Variants in FBLN1 observed in about 807,000 individuals in gnomAD.
The protein encoded by FBLN1 is fibulin-1.
In FBLN1, 34 loss-of-function variants were observed where a neutral mutation model predicts 89.7. The observed-to-expected ratio is 0.38, with a 90% CI of 0.29 to 0.50. The LOEUF (loss-of-function observed/expected upper bound fraction) is 0.50, where lower values mean the gene tolerates loss of function less well. Among genes scored for constraint, FBLN1 ranks in the 20% least tolerant of loss-of-function variants. The pLI, the probability that FBLN1 is intolerant of heterozygous loss-of-function variation, is 0.92. For missense variants in FBLN1, 777 were observed against 988.1 expected (o/e 0.79, Z 2.86); for synonymous variants, 393 against 391.3 (o/e 1.00, Z -0.05).
At chr22:45,593,028 A>T (rs3788668) in intron 16 of FBLN1, among the ~76,000 whole-genome samples, 57,217 of 151,968 alleles carry the variant, frequency 0.38, 12,588 homozygotes, top group East Asian at 0.53. Flanking sequence ...GCACTTTAGA[A>T]GGGAAGATGA....
At chr22:45,596,439 G>A (rs1012657729) in intron 16 of FBLN1, among the ~76,000 whole-genome samples, 2 of 152,114 alleles carry the variant, frequency 1.3e-5, no homozygotes, top group African/African-American at 2.4e-5. Context: ...CCAGGCACAC[G>A]TAGCATGCGC....
intron 16 of FBLN1, among the ~76,000 whole-genome samples, chr22:45,599,649 C>A (rs571547206): frequency 1.3e-5 from 2 of 152,092 alleles, no homozygotes; most frequent in East Asian, 3.9e-4. Context: ...CAGTCACGGT[C>A]GCTCATGCCT....
intron 11 of FBLN1, 84 bp downstream of exon 11, chr22:45,543,610 A>G: frequency 6.6e-7 from 1 of 1,517,114 alleles, no homozygotes; most frequent in Non-Finnish European, 9.0e-7. Flanking sequence ...GGTTTGCAGC[A>G]GATCCGCGAT....
intron 9 of FBLN1, 56 bp from the exon 10 acceptor site, chr22:45,542,099 G>T: frequency 6.2e-7 from 1 of 1,612,910 alleles, no homozygotes; most frequent in Non-Finnish European, 8.5e-7. Context: ...GATCATCTTG[G>T]GGGGAAAAAA....
At chr22:45,505,502 G>C (rs1316378926) in intron 1 of FBLN1, among the ~76,000 whole-genome samples, 2 of 152,220 alleles carry the variant, frequency 1.3e-5, no homozygotes, top group Non-Finnish European at 2.9e-5. Flanking sequence ...GCCCTGCTGA[G>C]TGCCCCCCAA....
intron 1 of FBLN1, among the ~76,000 whole-genome samples, chr22:45,516,936 C>T (rs547608602): frequency 1.3e-5 from 2 of 152,224 alleles, no homozygotes; most frequent in African/African-American, 2.4e-5. Context: ...CTAGCTCATT[C>T]GTGCACTGAC....
In FBLN1 at chr22:45,583,198, G is replaced by C. The variant is rs2089057051; in HGVS notation, c.1972+6090G>C. ...CTGCACTGCCCAAGCAGGTCCTTTAGTCAGCTCTCTGTTGTCCCCCAAGCC... is the reference window on the plus strand; with the variant it reads ...CTGCACTGCCCAAGCAGGTCCTTTACTCAGCTCTCTGTTGTCCCCCAAGCC... On this transcript the variant is annotated intron_variant, in intron 16 of 16. Transcript: ENST00000327858. This position sits in a 1 kb window ranked among gnomAD's most constrained non-coding sequence, Gnocchi z 4.5. Among the ~76,000 whole-genome samples, 1 of 152,206 alleles carries C rather than the reference G, an allele frequency of 6.6e-6. No individual in the cohort carries two copies. Among genetic ancestry groups the C allele is most frequent in the African/African-American group, 2.4e-5 (1 of 41,442 alleles).
rs2088807374 is a variant in FBLN1 at position 45,557,798 on chromosome 22, C to T, written c.1697+7183C>T. ...TGTCATCAATTTTCCAATCATGCTT[C>T]TTCCAAGTCCCTGACCATCCAGCCA... On this transcript the variant is annotated intron_variant, in intron 14 of 16. Coordinates refer to ENST00000327858, the MANE Select transcript of FBLN1 (RefSeq NM_006486.3). This position sits in a 1 kb window ranked among gnomAD's most constrained non-coding sequence, Gnocchi z 4.9. 6.6e-6 allele frequency among the ~76,000 whole-genome samples: 1 copy of T among 152,254 alleles called. No homozygotes were observed. The highest frequency in any genetic ancestry group is 2.4e-5 in the African/African-American group (1 of 41,466).
Position 45,579,942 on chromosome 22 carries a change from C to T in FBLN1, c.1972+2834C>T, listed in dbSNP as rs528401368. 4.6e-5 allele frequency among the ~76,000 whole-genome samples: 7 copies of T among 152,130 alleles called. No individual in the cohort carries two copies. The highest frequency in any genetic ancestry group is 9.6e-5 in the African/African-American group (4 of 41,508). ...TAATAGATGGTTCCACCGTTGGACT[C>T]GAGCCCAGCCTGAAGCAGCCCTGAA... On this transcript the variant is annotated intron_variant, in intron 16 of 16. Transcript: ENST00000327858. The surrounding 1 kb of genome is among the most constrained non-coding windows in gnomAD (Gnocchi z 5.5).
At chr22:45,504,759 T>C (rs2087996025) in intron 1 of FBLN1, among the ~76,000 whole-genome samples, 1 of 152,224 alleles carries the variant, frequency 6.6e-6, no homozygotes, top group Non-Finnish European at 1.5e-5. Flanking sequence ...GCGGGCCCAG[T>C]GTGGCTCACT....
rs1423962361 is a variant in FBLN1, at chr22:45,561,324, G to A, written c.1697+10709G>A. On this transcript the variant is annotated intron_variant, in intron 14 of 16. Transcript: ENST00000327858. This position sits in a 1 kb window ranked among gnomAD's most constrained non-coding sequence, Gnocchi z 4.7. ...AGGCTCAGTATCTGCTTCTGAAGCTGGGAGATGGAATCCCTGAGTTCATAA... is the reference window on the plus strand; with the variant it reads ...AGGCTCAGTATCTGCTTCTGAAGCTAGGAGATGGAATCCCTGAGTTCATAA... Among the ~76,000 whole-genome samples the A allele has an allele frequency of 1.3e-5, 2 of 152,170 alleles. No homozygotes were observed. Among genetic ancestry groups the A allele is most frequent in the Admixed American group, 6.5e-5 (1 of 15,276 alleles).
Position 45,580,949 on chromosome 22 carries a change from G to A in FBLN1, c.1972+3841G>A, listed in dbSNP as rs1437040996. Among the ~76,000 whole-genome samples, 1 of 152,190 alleles carries A rather than the reference G, an allele frequency of 6.6e-6. No individual in the cohort carries two copies. Among genetic ancestry groups the A allele is most frequent in the African/African-American group, 2.4e-5 (1 of 41,450 alleles). On this transcript the variant is annotated intron_variant, in intron 16 of 16. Coordinates refer to ENST00000327858, the MANE Select transcript of FBLN1 (RefSeq NM_006486.3). The surrounding 1 kb of genome is among the most constrained non-coding windows in gnomAD (Gnocchi z 8.6). Reference sequence around the variant, plus strand: ...AGCCCCCTTGCATTCCTCTTTAACCGGCTGTCAAAGAAAAATGAAGAATGC... The same window carrying A: ...AGCCCCCTTGCATTCCTCTTTAACCAGCTGTCAAAGAAAAATGAAGAATGC...
At chr22:45,523,532 A>G (rs999729704) in intron 2 of FBLN1, among the ~76,000 whole-genome samples, 1 of 152,132 alleles carries the variant, frequency 6.6e-6, no homozygotes, top group Non-Finnish European at 1.5e-5. Context: ...GCAAGATCTC[A>G]TCTCTACTAA....
At chr22:45,592,757 G>A (rs1030860051) in intron 16 of FBLN1, among the ~76,000 whole-genome samples, 8 of 152,154 alleles carry the variant, frequency 5.3e-5, no homozygotes, top group Admixed American at 2.0e-4. Flanking sequence ...AGTTGCCTGC[G>A]GTGCTTGTGA....
intron 2 of FBLN1, among the ~76,000 whole-genome samples, chr22:45,519,618 C>CT (rs1296226782): frequency 8.7e-6 from 1 of 114,512 alleles, no homozygotes; most frequent in Non-Finnish European, 1.8e-5. Context: ...CAGCGAAACT[C>CT]TAACTCAAAA....
chr22:45,543,279 A>T lies in FBLN1; in HGVS notation c.1196-122A>T, dbSNP rs528006042. 21 of 1,285,188 alleles carry T rather than the reference A, an allele frequency of 1.6e-5. No homozygotes were observed. The East Asian group carries it at 4.6e-4, about 28-fold the overall frequency. The allele number at this position is 1,285,188 out of a possible 1,614,324, so 79.6% of individuals were successfully genotyped here. A position where few individuals can be genotyped will look rare whatever the true frequency, so the allele number is the denominator to read the frequency against. On this transcript the variant is annotated intron_variant, in intron 10 of 16. Coordinates refer to ENST00000327858, the MANE Select transcript of FBLN1 (RefSeq NM_006486.3). ...AGACTCCATCTCAAAGATGAAGGAA[A>T]AAAAAGAAATGAGGCTGGAGGAGGT...
rs910134310 is a variant in FBLN1, at chr22:45,531,621, G to A, written c.544+297G>A. On this transcript the variant is annotated intron_variant, in intron 5 of 16. Coordinates refer to ENST00000327858, the MANE Select transcript of FBLN1 (RefSeq NM_006486.3). The surrounding 1 kb of genome is among the most constrained non-coding windows in gnomAD (Gnocchi z 4.9). ...GTTTTGCTTTGGTTTACCCTGCAAA[G>A]TACCCTTTGGCTGGGAGCCAGCCAT... Among the ~76,000 whole-genome samples, 2 of 152,246 alleles carry A rather than the reference G, an allele frequency of 1.3e-5. No homozygotes were observed. The highest frequency in any genetic ancestry group is 2.9e-5 in the Non-Finnish European group (2 of 68,036).
chr22:45,563,107 C>T lies in FBLN1; in HGVS notation c.1698-11404C>T. ...GCGGCAATGAGGAGGGCTTTTTCAC[C>T]ACCCGGAAGGTGAGCCCCCACAGTG... is the stretch of plus-strand genomic sequence containing the variant. On this transcript the variant is annotated intron_variant, in intron 14 of 16. Coordinates refer to ENST00000327858, the MANE Select transcript of FBLN1 (RefSeq NM_006486.3). This position sits in a 1 kb window ranked among gnomAD's most constrained non-coding sequence, Gnocchi z 5.7. The T allele has an allele frequency of 1.2e-6, 2 of 1,613,376 alleles. No individual in the cohort carries two copies. Among genetic ancestry groups the T allele is most frequent in the East Asian group, 2.2e-5 (1 of 44,846 alleles).
Position 45,525,694 on chromosome 22 carries a change from C to T in FBLN1, c.321+16C>T, listed in dbSNP as rs374735473. 9.0e-6 allele frequency: 14 copies of T among 1,551,150 alleles called. No individual in the cohort carries two copies. The African/African-American group carries it at 1.8e-4, about 20-fold the overall frequency. On this transcript the variant is annotated intron_variant, in intron 3 of 16. Coordinates refer to ENST00000327858, the MANE Select transcript of FBLN1 (RefSeq NM_006486.3). ...ATTTGTGAAGGTGAGAGCCAAAGAC[C>T]ATGTGGGGTCGCTGCCCGTCCCCAC... is the stretch of plus-strand genomic sequence containing the variant.
Sources: gnomAD v4.1 joint callset for allele counts (sites outside exome capture counted in the v4.1 genomes callset) on GRCh38, gnomAD v4.1.1 for gene constraint, Gnocchi (gnomAD v3.1) non-coding constraint, MANE v1.5 for transcripts, NCBI Gene and HGNC (gene_info 2026-07-23, HGNC 2026-07-21) for gene names.